The following TAFA1 variants were observed in gnomAD, a reference collection of about 807,000 sequenced individuals.
The protein encoded by TAFA1 is TAFA chemokine like family member 1.
Under a neutral mutation model 18.5 loss-of-function variants are expected in TAFA1, and 4 were observed. That is an observed-to-expected ratio of 0.22 (90% confidence interval 0.11 to 0.49). The LOEUF is 0.49. Among genes scored for constraint, TAFA1 ranks in the 20% least tolerant of loss-of-function variants. The pLI is 0.98. For synonymous variants in TAFA1, 56 were observed against 55.2 expected, an observed-to-expected ratio of 1.01 and a Z score of -0.06; for missense variants, 147 against 169.0, an observed-to-expected ratio of 0.87 and a Z score of 0.72.
chr3:68,379,696 A>T (rs1575818198), intron 2 of TAFA1, among the ~76,000 whole-genome samples: 1 of 146,712 alleles, frequency 6.8e-6, no homozygotes, highest in Non-Finnish European at 1.5e-5. Context: ...GGGTTTTTAC[A>T]TTTAAGTCTT....
At chr3:68,529,723 G>A (rs1324204840) in intron 3 of TAFA1, among the ~76,000 whole-genome samples, 1 of 152,118 alleles carries the variant, frequency 6.6e-6, no homozygotes, top group Non-Finnish European at 1.5e-5. Context: ...AGAGAGGAGA[G>A]GTGCCAGGCT....
chr3:68,147,247 C>T (rs2065752913), intron 2 of TAFA1, among the ~76,000 whole-genome samples: 1 of 152,032 alleles, frequency 6.6e-6, no homozygotes, highest in Admixed American at 6.6e-5. Flanking sequence ...CAACATTCCT[C>T]TGCTTTAACC....
Position 68,167,576 on chromosome 3 carries a change from C to CAAA in TAFA1, c.118+160840_118+160842dup, listed in dbSNP as rs11395399. On this transcript the variant is annotated intron_variant, in intron 2 of 4. Coordinates refer to ENST00000478136, the MANE Select transcript of TAFA1 (RefSeq NM_213609.4). ...TGGGTGACAGAGCAAGACTCCGTCT[C>CAAA]AAAAAAAAAACAAAAAAAACAGAAG... Among the ~76,000 whole-genome samples the CAAA allele has an allele frequency of 2.7e-3, 75 of 27,848 alleles. 1 individual carries two copies. The highest frequency in any genetic ancestry group is 5.4e-3 in the African/African-American group (62 of 11,414). The allele number at this position is 27,848 out of a possible 152,430, so 18.3% of individuals were successfully genotyped here. A position where few individuals can be genotyped will look rare whatever the true frequency, so the allele number is the denominator to read the frequency against.
chr3:68,370,085 G>A (rs2069649565), intron 2 of TAFA1, among the ~76,000 whole-genome samples: 1 of 150,686 alleles, frequency 6.6e-6, no homozygotes, highest in Admixed American at 6.6e-5. Context: ...TCAGGAGATT[G>A]AGACCATCCT....
chr3:68,131,704 A>G (rs1008329773), intron 2 of TAFA1, among the ~76,000 whole-genome samples: 2 of 152,162 alleles, frequency 1.3e-5, no homozygotes, highest in Non-Finnish European at 2.9e-5. Context: ...TTCAAGGCTC[A>G]TGCCTTACAA....
upstream of TAFA1, among the ~76,000 whole-genome samples, chr3:68,000,408 T>C (rs1704271286): frequency 6.6e-6 from 1 of 152,214 alleles, no homozygotes; most frequent in Admixed American, 6.5e-5. Flanking sequence ...AATGACCTGA[T>C]CTTGTCTGGA....
intron 2 of TAFA1, among the ~76,000 whole-genome samples, chr3:68,150,427 C>T (rs187225188): frequency 6.6e-6 from 1 of 152,160 alleles, no homozygotes; most frequent in Non-Finnish European, 1.5e-5. Context: ...AGCCAAAGCC[C>T]AGGGCAGTTT....
At chr3:68,357,142 T>C (rs2069381275) in intron 2 of TAFA1, among the ~76,000 whole-genome samples, 1 of 151,972 alleles carries the variant, frequency 6.6e-6, no homozygotes, top group Non-Finnish European at 1.5e-5. Flanking sequence ...TTATTTCTTC[T>C]AAGTCTCCAA....
chr3:68,376,542 T>C (rs1336845188), intron 2 of TAFA1, among the ~76,000 whole-genome samples: 1 of 152,182 alleles, frequency 6.6e-6, no homozygotes, highest in African/African-American at 2.4e-5. Flanking sequence ...TTGCTAAGAA[T>C]AATGGCCTCC....
At chr3:68,260,775 T>A (rs2067402451) in intron 2 of TAFA1, among the ~76,000 whole-genome samples, 1 of 152,144 alleles carries the variant, frequency 6.6e-6, no homozygotes, top group Admixed American at 6.6e-5. Context: ...CAATTCAAGA[T>A]GGATTAAAGA....
At chr3:68,339,268 C>G (rs905944981) in intron 2 of TAFA1, among the ~76,000 whole-genome samples, 1 of 152,126 alleles carries the variant, frequency 6.6e-6, no homozygotes, top group African/African-American at 2.4e-5. Context: ...CTGAATTTTT[C>G]TACAAATTAA....
chr3:68,081,897 C>A (rs542196633), intron 2 of TAFA1, among the ~76,000 whole-genome samples: 1 of 151,910 alleles, frequency 6.6e-6, no homozygotes, highest in Admixed American at 6.6e-5. Flanking sequence ...CAATGGCGGG[C>A]GCCCCTCTCC....
intron 2 of TAFA1, among the ~76,000 whole-genome samples, chr3:68,283,509 T>C (rs2067939988): frequency 6.6e-6 from 1 of 152,198 alleles, no homozygotes; most frequent in African/African-American, 2.4e-5. Context: ...ATGACTTTAC[T>C]ACATTCCTGG....
intron 2 of TAFA1, among the ~76,000 whole-genome samples, chr3:68,347,006 C>T (rs745802752): frequency 2.8e-4 from 42 of 152,150 alleles, no homozygotes; most frequent in Non-Finnish European, 5.1e-4. Context: ...GGTTCTTTTG[C>T]ATTAGTCCAG....
At chr3:68,427,742 A>G (rs4855473) in intron 3 of TAFA1, among the ~76,000 whole-genome samples, 112,330 of 151,754 alleles carry the variant, frequency 0.74, 41,650 homozygotes, top group African/African-American at 0.79. Context: ...ATCTTGAATT[A>G]TAGCTCCCAT....
chr3:68,380,609 T>A (rs1023566753), intron 2 of TAFA1, among the ~76,000 whole-genome samples: 1 of 152,190 alleles, frequency 6.6e-6, no homozygotes, highest in East Asian at 1.9e-4. Flanking sequence ...CACTTTTTGA[T>A]AGGGTTGTTT....
intron 2 of TAFA1, among the ~76,000 whole-genome samples, chr3:68,390,247 G>T (rs1389403777): frequency 2.0e-5 from 3 of 152,130 alleles, no homozygotes; most frequent in Non-Finnish European, 2.9e-5. Context: ...GGGAAGTTCA[G>T]ACTGGGCAGA....
intron 3 of TAFA1, among the ~76,000 whole-genome samples, chr3:68,479,672 C>T (rs879466623): frequency 6.6e-6 from 1 of 152,100 alleles, no homozygotes; most frequent in Non-Finnish European, 1.5e-5. Context: ...ATCAGAAGGG[C>T]TATGTGAATT....
intron 2 of TAFA1, among the ~76,000 whole-genome samples, chr3:68,270,893 G>A (rs1360882839): frequency 6.6e-6 from 1 of 152,158 alleles, no homozygotes; most frequent in Non-Finnish European, 1.5e-5. Context: ...AAAGCTGACA[G>A]AGTGATGAAA....
Sources: gnomAD v4.1 joint callset for allele counts (sites outside exome capture counted in the v4.1 genomes callset) on GRCh38, gnomAD v4.1.1 for gene constraint, MANE v1.5 for transcripts, NCBI Gene and HGNC (gene_info 2026-07-23, HGNC 2026-07-21) for gene names.